The following DPY19L1 variants were observed in gnomAD, a reference collection of about 807,000 sequenced individuals.
DPY19L1 encodes the protein dpy-19 like C-mannosyltransferase 1, also known as protein C-mannosyl-transferase DPY19L1.
A neutral mutation model predicts 96.9 loss-of-function variants in DPY19L1; 35 were observed. The ratio of observed to expected loss-of-function variants is 0.36; its 90% CI spans 0.28 to 0.48. The LOEUF is 0.48. Ranked by LOEUF, DPY19L1 falls within the 20% of genes least tolerant of loss-of-function variation. DPY19L1 has a pLI of 0.99. For synonymous variants in DPY19L1, 205 were observed against 252.6 expected, an observed-to-expected ratio of 0.81 and a Z score of 1.79; for missense variants, 521 against 777.9, an observed-to-expected ratio of 0.67 and a Z score of 3.93.
At chr7:34,995,745 A>G (rs963440921) in intron 6 of DPY19L1, among the ~76,000 whole-genome samples, 1 of 152,340 alleles carries the variant, frequency 6.6e-6, no homozygotes, top group African/African-American at 2.4e-5. Flanking sequence ...TTCTTATTGT[A>G]TAAATGCTTA....
intron 7 of DPY19L1, among the ~76,000 whole-genome samples, chr7:34,986,856 T>G (rs534912825): frequency 6.6e-6 from 1 of 152,208 alleles, no homozygotes; most frequent in South Asian, 2.1e-4. Context: ...TTCATTTACT[T>G]TGAATTACTT....
At chr7:35,020,787 C>T (rs1785977341) in intron 1 of DPY19L1, among the ~76,000 whole-genome samples, 2 of 152,182 alleles carry the variant, frequency 1.3e-5, no homozygotes, top group Admixed American at 6.5e-5. Context: ...TGGCTCACTG[C>T]AACCTCCGCC....
At chr7:34,943,423 C>T (rs1272085234) in intron 16 of DPY19L1, among the ~76,000 whole-genome samples, 2 of 152,202 alleles carry the variant, frequency 1.3e-5, no homozygotes, top group African/African-American at 2.4e-5. Flanking sequence ...AAAGGAATCA[C>T]AGAGCTAGTA....
chr7:34,984,764 C>T (rs1278577496), intron 7 of DPY19L1, among the ~76,000 whole-genome samples: 3 of 152,150 alleles, frequency 2.0e-5, no homozygotes, highest in African/African-American at 2.4e-5. Context: ...CCTCTAGTGG[C>T]ATTCCATCCA....
chr7:34,988,235 G>C lies in DPY19L1; in HGVS notation c.822+1649C>G, dbSNP rs187462527. On this transcript the variant is annotated intron_variant, in intron 7 of 21. Coordinates refer to ENST00000638088, the MANE Select transcript of DPY19L1 (RefSeq NM_001366673.1). ...GCACTTTACAAACAGTGGTCTTCCT[G>C]GTGGTCTAGGTTCCAAAATTTTGAA... is the stretch of plus-strand genomic sequence containing the variant. 4 of 152,118 alleles carry C rather than the reference G, an allele frequency of 2.6e-5. No homozygotes were observed. The East Asian group carries it at 7.7e-4, about 29-fold the overall frequency. 9.4% of individuals were successfully genotyped at this position (152,118 alleles called of 1,614,324 possible). A position where few individuals can be genotyped will look rare whatever the true frequency, so the allele number is the denominator to read the frequency against.
chr7:35,005,216 A>C (rs554839045), intron 6 of DPY19L1, among the ~76,000 whole-genome samples: 2 of 152,168 alleles, frequency 1.3e-5, no homozygotes, highest in South Asian at 4.2e-4. Context: ...AGGCAGCAGT[A>C]ATCAGGGGAG....
chr7:35,001,132 A>G (rs963767784), intron 6 of DPY19L1, among the ~76,000 whole-genome samples: 5 of 152,198 alleles, frequency 3.3e-5, no homozygotes, highest in Admixed American at 2.0e-4. Flanking sequence ...AGTTTCTGAT[A>G]GTAAAGAGTT....
chr7:34,980,708 C>G (rs956240248), intron 7 of DPY19L1, among the ~76,000 whole-genome samples: 2 of 152,070 alleles, frequency 1.3e-5, no homozygotes, highest in Non-Finnish European at 2.9e-5. Flanking sequence ...CATTACTCAT[C>G]AGGAAAATGC....
At chr7:35,010,611 C>G (rs748335415) in intron 5 of DPY19L1, 50 bp from the exon 6 acceptor site, 43 of 1,127,936 alleles carry the variant, frequency 3.8e-5, no homozygotes, top group Non-Finnish European at 5.5e-5. Flanking sequence ...CCCAAATTAC[C>G]TTACGTGTCT....
At chr7:35,027,386 C>T (rs1415077632) in intron 1 of DPY19L1, among the ~76,000 whole-genome samples, 4 of 151,980 alleles carry the variant, frequency 2.6e-5, no homozygotes, top group South Asian at 2.1e-4. Flanking sequence ...TCCTGCTCCC[C>T]GAACTACAAA....
At chr7:34,954,312 G>C (rs1333968562) in intron 13 of DPY19L1, among the ~76,000 whole-genome samples, 2 of 151,992 alleles carry the variant, frequency 1.3e-5, no homozygotes, top group East Asian at 1.9e-4. Context: ...GTAATGACTT[G>C]AAAACTGGAG....
In DPY19L1 at chr7:35,032,809, T is replaced by C. The variant is rs116390592; in HGVS notation, c.298+4288A>G. 5.3e-3 allele frequency among the ~76,000 whole-genome samples: 804 copies of C among 152,182 alleles called. 7 individuals carry two copies. The highest frequency in any genetic ancestry group is 0.019 in the African/African-American group (776 of 41,526). On this transcript the variant is annotated intron_variant, in intron 1 of 21. Coordinates refer to ENST00000638088, the MANE Select transcript of DPY19L1 (RefSeq NM_001366673.1). ...CAAAAATGTACAAAGTATTCATAAC[T>C]CCTTCCTTTCCCTCAATCCAAGCCC...
At position 35,018,587 on chromosome 7, in the gene DPY19L1, G is replaced by A; in HGVS notation, c.308C>T (p.Ala103Val). The part of the protein sequence containing the change: ...TWTTLLLAVF[A>V]AVLHWSHITH... Reference sequence around the variant, plus strand: ...ACAATCTTACCAGTGCAACACTGCTGCAAAAACAGCTGTAAGAAAAAAGAA... The same window carrying A: ...ACAATCTTACCAGTGCAACACTGCTACAAAAACAGCTGTAAGAAAAAAGAA... The change falls in exon 2 of 22, where the codon GCA becomes GTA. Residue 103 changes from alanine (A) to valine (V), a missense_variant. By Grantham distance (64) the Ala-to-Val change is moderately conservative. Coordinates refer to ENST00000638088, the MANE Select transcript of DPY19L1 (RefSeq NM_001366673.1). The A allele has an allele frequency of 1.2e-6, 2 of 1,609,764 alleles. No individual in the cohort carries two copies. Among genetic ancestry groups the A allele is most frequent in the Non-Finnish European group, 1.7e-6 (2 of 1,178,358 alleles).
At chr7:34,974,382 A>G (rs182212535) in intron 7 of DPY19L1, among the ~76,000 whole-genome samples, 1 of 152,342 alleles carries the variant, frequency 6.6e-6, no homozygotes, top group African/African-American at 2.4e-5. Context: ...GTACCTAAAA[A>G]GATTCCACAG....
At chr7:35,037,504 G>A (rs1299454909), upstream of DPY19L1, 3 of 315,148 alleles carry the variant, frequency 9.5e-6, no homozygotes, top group South Asian at 1.6e-4. Flanking sequence ...GGCGGGCGGA[G>A]GGTGGAGGGC....
At chr7:35,001,302 A>G (rs1206013065) in intron 6 of DPY19L1, among the ~76,000 whole-genome samples, 2 of 152,148 alleles carry the variant, frequency 1.3e-5, no homozygotes, top group Admixed American at 1.3e-4. Context: ...GTGATAGATA[A>G]TATGTTTTTA....
intron 16 of DPY19L1, among the ~76,000 whole-genome samples, chr7:34,943,505 T>A (rs183078516): frequency 3.3e-5 from 5 of 152,196 alleles, no homozygotes; most frequent in South Asian, 2.1e-4. Flanking sequence ...GCTGTCTCTA[T>A]CCCACTTTAC....
At chr7:35,002,011 G>A (rs1442542736) in intron 6 of DPY19L1, among the ~76,000 whole-genome samples, 2 of 151,498 alleles carry the variant, frequency 1.3e-5, no homozygotes, top group Non-Finnish European at 2.9e-5. Flanking sequence ...TGTAGTCCCA[G>A]CTACTTGGAA....
intron 1 of DPY19L1, among the ~76,000 whole-genome samples, chr7:35,026,778 G>A (rs1786129582): frequency 6.6e-6 from 1 of 152,142 alleles, no homozygotes; most frequent in Admixed American, 6.5e-5. Flanking sequence ...GATTAAGAAA[G>A]GGAAAGAACT....
Sources: allele counts gnomAD v4.1 joint callset (sites outside exome capture counted in the v4.1 genomes callset), GRCh38; gene constraint gnomAD v4.1.1; transcripts MANE v1.5; gene names NCBI Gene and HGNC (gene_info 2026-07-23, HGNC 2026-07-21).